Variants in MAST4 observed in about 807,000 individuals in gnomAD.
MAST4 encodes the protein microtubule associated serine/threonine kinase family member 4.
Under a neutral mutation model 162.7 loss-of-function variants are expected in MAST4, and 89 were observed. The ratio of observed to expected loss-of-function variants is 0.55; its 90% confidence interval spans 0.46 to 0.65. MAST4 has a LOEUF of 0.65. Ranked by LOEUF, MAST4 falls within the 30% of genes least tolerant of loss-of-function variation. The probability of loss-of-function intolerance (pLI) is 0.00; values close to 1 mark genes in which losing one functional copy is unlikely to be tolerated. For missense variants in MAST4, 3,153 were observed against 3,374.0 expected (o/e 0.93, Z 1.62); for synonymous variants, 1,479 against 1,361.1 (o/e 1.09, Z -1.91).
chr5:67,021,555 C>T (rs1324258766), intron 4 of MAST4, among the ~76,000 whole-genome samples: 2 of 152,136 alleles, frequency 1.3e-5, no homozygotes, highest in Admixed American at 1.3e-4. Context: ...GCCATTTGAA[C>T]AAAAAAGTTC....
chr5:67,068,236 T>C (rs1291313968), intron 5 of MAST4, among the ~76,000 whole-genome samples: 1 of 152,194 alleles, frequency 6.6e-6, no homozygotes, highest in African/African-American at 2.4e-5. Context: ...TATTCTGTTG[T>C]ATTAGTCTGT....
In MAST4 at chr5:66,968,384, C is replaced by T. The variant is rs112637009; in HGVS notation, c.674+68402C>T. 1.7e-3 allele frequency among the ~76,000 whole-genome samples: 252 copies of T among 152,272 alleles called. 1 individual carries two copies. Among genetic ancestry groups the T allele is most frequent in the Middle Eastern group, 6.8e-3 (2 of 292 alleles). ...GTAGAGAAGGTATGCTGTTTCTTCT[C>T]CTTCCATCTCCCAAATCTCTCTCTC... On this transcript the variant is annotated intron_variant, in intron 4 of 28. Transcript: ENST00000403625.
intron 4 of MAST4, among the ~76,000 whole-genome samples, chr5:66,938,383 G>T (rs1247082415): frequency 6.6e-6 from 1 of 152,118 alleles, no homozygotes; most frequent in Non-Finnish European, 1.5e-5. Context: ...TTAAGTGAAA[G>T]CTTCTTGCTA....
chr5:66,872,680 G>C (rs993945112), intron 3 of MAST4, among the ~76,000 whole-genome samples: 1 of 152,108 alleles, frequency 6.6e-6, no homozygotes, highest in Non-Finnish European at 1.5e-5. Context: ...GACTAGCTTC[G>C]AATAAGTCAT....
chr5:66,849,802 T>G (rs1759169566), intron 3 of MAST4, among the ~76,000 whole-genome samples: 1 of 152,256 alleles, frequency 6.6e-6, no homozygotes, highest in South Asian at 2.1e-4. Flanking sequence ...TCTTTGTGTT[T>G]TTGAGCTGTT....
chr5:67,066,221 G>C (rs1228788035), intron 5 of MAST4, among the ~76,000 whole-genome samples: 1 of 151,374 alleles, frequency 6.6e-6, no homozygotes, highest in Admixed American at 6.6e-5. Context: ...GAAAATATAA[G>C]AACAAAGAAG....
At chr5:66,700,121 G>A (rs1476687776) in intron 1 of MAST4, among the ~76,000 whole-genome samples, 2 of 152,172 alleles carry the variant, frequency 1.3e-5, no homozygotes, top group Admixed American at 6.5e-5. Flanking sequence ...CTTCTCCCTT[G>A]AGGCATAATA....
intron 1 of MAST4, among the ~76,000 whole-genome samples, chr5:66,740,016 T>C (rs562294162): frequency 1.3e-5 from 2 of 152,260 alleles, no homozygotes; most frequent in Admixed American, 6.5e-5. Context: ...GTCTTGGGAA[T>C]GTTGGGAGGT....
chr5:66,844,328 A>G lies in MAST4; in HGVS notation c.642+55534A>G, dbSNP rs558000092. Among the ~76,000 whole-genome samples the G allele has an allele frequency of 3.9e-5, 6 of 151,960 alleles. No individual in the cohort carries two copies. In the East Asian group the frequency reaches 1.2e-3, roughly 29 times the overall value. ...GCAGGCACACATTTATGTTCTTTTC[A>G]TCAGTATTAATGGAACCACTTTGGA... On this transcript the variant is annotated intron_variant, in intron 3 of 28. Transcript: ENST00000403625.
At chr5:66,877,209 T>C (rs1761361214) in intron 3 of MAST4, among the ~76,000 whole-genome samples, 1 of 152,158 alleles carries the variant, frequency 6.6e-6, no homozygotes, top group Admixed American at 6.5e-5. Flanking sequence ...AAATATGATA[T>C]AAGGGAGGCT....
In MAST4 at chr5:66,623,990, G is replaced by C. The variant is rs572448218; in HGVS notation, c.363+26972G>C. 1.1e-3 allele frequency among the ~76,000 whole-genome samples: 175 copies of C among 152,204 alleles called. 2 individuals are homozygous for C. The South Asian group carries it at 0.033, about 28-fold the overall frequency. ...ATAAACTCTCTAAAAGGAAAATTAA[G>C]AGAATCTCATTTACATTAGCAAGAA... On this transcript the variant is annotated intron_variant, in intron 1 of 28. Coordinates refer to ENST00000403625, the MANE Select transcript of MAST4 (RefSeq NM_001164664.2).
At chr5:67,015,356 T>C (rs1256722981) in intron 4 of MAST4, among the ~76,000 whole-genome samples, 1 of 152,224 alleles carries the variant, frequency 6.6e-6, no homozygotes, top group Non-Finnish European at 1.5e-5. Flanking sequence ...CAGCAGGCAG[T>C]GGCTTGTAGC....
chr5:66,854,851 A>G (rs1759560863), intron 3 of MAST4, among the ~76,000 whole-genome samples: 1 of 152,040 alleles, frequency 6.6e-6, no homozygotes, highest in Admixed American at 6.6e-5. Context: ...AGCTGGGAGC[A>G]TCTCCACAAG....
intron 3 of MAST4, among the ~76,000 whole-genome samples, chr5:66,789,902 ATATG>A (rs1238895626): frequency 1.3e-5 from 2 of 151,248 alleles, no homozygotes; most frequent in Non-Finnish European, 2.9e-5. Flanking sequence ...CTCTCCATAA[ATATG>A]TGTGTATTTG....
intron 3 of MAST4, among the ~76,000 whole-genome samples, chr5:66,891,777 C>G: frequency 6.6e-6 from 1 of 152,182 alleles, no homozygotes; most frequent in South Asian, 2.1e-4. Context: ...AGACCAGGCT[C>G]AAGTATTGTG....
intron 14 of MAST4, among the ~76,000 whole-genome samples, chr5:67,123,386 C>G (rs144588432): frequency 6.6e-6 from 1 of 152,212 alleles, no homozygotes; most frequent in Non-Finnish European, 1.5e-5. Flanking sequence ...CACTTCTGAT[C>G]CCTGACTGGA....
Position 67,114,082 on chromosome 5 carries a change from G to T in MAST4, c.1459-5G>T, listed in dbSNP as rs1250316012. 3 of 1,613,464 alleles carry T rather than the reference G, an allele frequency of 1.9e-6. No individual in the cohort carries two copies. Among genetic ancestry groups the T allele is most frequent in the Non-Finnish European group, 2.5e-6 (3 of 1,179,738 alleles). On this transcript the variant is annotated splice_region_variant and splice_polypyrimidine_tract_variant and intron_variant, in intron 11 of 28. Transcript: ENST00000403625. ...AAGTATCCATCTGTGATTGTCTTCG[G>T]CTAGGAATTTGATCCGGAAGAATTT... is the stretch of plus-strand genomic sequence containing the variant.
intron 1 of MAST4, among the ~76,000 whole-genome samples, chr5:66,669,032 T>C (rs575520293): frequency 3.8e-4 from 58 of 152,346 alleles, no homozygotes; most frequent in African/African-American, 1.4e-3. Context: ...CTGGATATAG[T>C]GAGACTGCAG....
chr5:67,032,619 T>C (rs1418124242), intron 4 of MAST4, among the ~76,000 whole-genome samples: 2 of 152,134 alleles, frequency 1.3e-5, no homozygotes, highest in Admixed American at 1.3e-4. Context: ...GGGTTACTTC[T>C]TACCTGACTT....
Sources: allele counts gnomAD v4.1 joint callset (sites outside exome capture counted in the v4.1 genomes callset), GRCh38; gene constraint gnomAD v4.1.1; transcripts MANE v1.5; gene names NCBI Gene and HGNC (gene_info 2026-07-23, HGNC 2026-07-21).